DARS2: variants seen among roughly 807,000 people sequenced by gnomAD.
DARS2 encodes the protein aspartyl-tRNA synthetase 2, mitochondrial, also known as aspartate--tRNA ligase, mitochondrial.
A neutral mutation model predicts 83.0 loss-of-function variants in DARS2; 63 were observed. The ratio of observed to expected loss-of-function variants is 0.76; its 90% confidence interval spans 0.62 to 0.94. DARS2 has a LOEUF of 0.94. DARS2 is among the 40% of genes least tolerant of loss of function. The probability of loss-of-function intolerance (pLI) is 0.00; values close to 1 mark genes in which losing one functional copy is unlikely to be tolerated. For synonymous variants in DARS2, 250 were observed against 269.3 expected (o/e 0.93, Z 0.70); for missense variants, 675 against 774.4 (o/e 0.87, Z 1.52).
chr1:173,836,805 CT>C (rs1653021170), intron 7 of DARS2, 134 bp from the exon 8 acceptor site: 1 of 763,214 alleles, frequency 1.3e-6, no homozygotes, highest in African/African-American at 1.7e-5. Context: ...GAAATTGTCT[CT>C]GTCATTGTAG....
chr1:173,844,542 C>T (rs1653343370), intron 11 of DARS2, among the ~76,000 whole-genome samples: 1 of 151,414 alleles, frequency 6.6e-6, no homozygotes. Flanking sequence ...TGGTGGTGGG[C>T]ACCTGTAATC....
rs565053252 is a variant in DARS2, at chr1:173,839,372, CAT to C, written c.848_849del (p.Ile283ArgfsTer15). ...DRQPEFTQID[I>X]EMSFVDQTGI... ...ATATGGTACTTTGGTTTCAGATTGA[CAT>C]AGAGATGTCATTTGTAGACCAGACT... On this transcript the variant is annotated frameshift_variant, in exon 10 of 17. Coordinates refer to ENST00000649689, the MANE Select transcript of DARS2 (RefSeq NM_018122.5). LOFTEE classifies it high-confidence loss of function. The C allele has an allele frequency of 6.8e-6, 11 of 1,614,066 alleles. No individual in the cohort carries two copies. In the South Asian group the frequency reaches 9.9e-5, roughly 14 times the overall value.
intron 11 of DARS2, among the ~76,000 whole-genome samples, chr1:173,842,317 T>A (rs56355601): frequency 1.7e-5 from 2 of 116,628 alleles, no homozygotes; most frequent in Admixed American, 1.8e-4. Flanking sequence ...TTTTTTTTTT[T>A]AGAGTGAGTC....
intron 3 of DARS2, among the ~76,000 whole-genome samples, 160 bp downstream of exon 3, chr1:173,828,559 A>C (rs186964123): frequency 6.6e-6 from 1 of 152,366 alleles, no homozygotes; most frequent in East Asian, 1.9e-4. Flanking sequence ...CAAAAAGACC[A>C]GTGACCCAGT....
At chr1:173,834,620 C>G in intron 7 of DARS2, 101 bp downstream of exon 7, 1 of 840,184 alleles carries the variant, frequency 1.2e-6, no homozygotes, top group Non-Finnish European at 2.0e-6. Context: ...TATTTACTGC[C>G]TCAGGATGGT....
At position 173,858,194 on chromosome 1, in the gene DARS2, A is replaced by G. The variant is rs1482632875; in HGVS notation, c.*489A>G. On this transcript the variant is annotated 3_prime_UTR_variant, in exon 17 of 17. Coordinates refer to ENST00000649689, the MANE Select transcript of DARS2 (RefSeq NM_018122.5). ...CAACCATCAACATAATATAGTGAGG[A>G]GTAGCATAATATTTTTTAATAATGC... 2.4e-5 allele frequency: 4 copies of G among 166,750 alleles called. No homozygotes were observed. The highest frequency in any genetic ancestry group is 5.3e-5 in the Non-Finnish European group (4 of 76,098). 10.3% of individuals were successfully genotyped at this position (166,750 alleles called of 1,614,324 possible).
intron 11 of DARS2, among the ~76,000 whole-genome samples, chr1:173,843,545 G>A (rs1007471128): frequency 6.6e-6 from 1 of 152,178 alleles, no homozygotes; most frequent in Admixed American, 6.5e-5. Context: ...GGGCAACAGA[G>A]TGAGACTCCC....
In DARS2 at chr1:173,825,205, T is replaced by G; in HGVS notation, c.-25T>G. 6.2e-7 allele frequency: 1 copy of G among 1,607,788 alleles called. No individual in the cohort carries two copies. Among genetic ancestry groups the G allele is most frequent in the Non-Finnish European group, 8.5e-7 (1 of 1,175,816 alleles). On this transcript the variant is annotated 5_prime_UTR_variant, in exon 1 of 17. Coordinates refer to ENST00000649689, the MANE Select transcript of DARS2 (RefSeq NM_018122.5). Reference sequence around the variant, plus strand: ...CCGGCAGCGTGGGATTTCGTGATTGTTTTTCGCCATCGTGTGGCTCCAACA... The same window carrying G: ...CCGGCAGCGTGGGATTTCGTGATTGGTTTTCGCCATCGTGTGGCTCCAACA...
At chr1:173,843,293 G>A (rs902809860) in intron 11 of DARS2, among the ~76,000 whole-genome samples, 1 of 152,174 alleles carries the variant, frequency 6.6e-6, no homozygotes, top group South Asian at 2.1e-4. Flanking sequence ...AAGCGTGGTG[G>A]CTCATGCCTG....
chr1:173,843,607 C>T (rs1653314484), intron 11 of DARS2, among the ~76,000 whole-genome samples: 1 of 152,164 alleles, frequency 6.6e-6, no homozygotes, highest in African/African-American at 2.4e-5. Context: ...GGAAAACACT[C>T]AGTAGCTGAG....
chr1:173,825,391 T>TAC (rs1396862938), intron 1 of DARS2, 35 bp downstream of exon 1: 2 of 1,604,228 alleles, frequency 1.2e-6, no homozygotes, highest in Admixed American at 3.3e-5. Context: ...CTATGAACAG[T>TAC]ACTTCAGCCT....
At chr1:173,835,526 C>A (rs995346644) in intron 7 of DARS2, among the ~76,000 whole-genome samples, 1 of 150,580 alleles carries the variant, frequency 6.6e-6, no homozygotes, top group Non-Finnish European at 1.5e-5. Flanking sequence ...GCAACAAGAC[C>A]GTATCTCTTG....
chr1:173,828,348 G>A lies in DARS2; in HGVS notation c.243G>A (p.Leu81=). 1.2e-6 allele frequency: 2 copies of A among 1,604,890 alleles called. No individual in the cohort carries two copies. The highest frequency in any genetic ancestry group is 8.5e-7 in the Non-Finnish European group (1 of 1,177,210). Residue 81 remains leucine (L), a synonymous_variant, in exon 3 of 17, where the codon TTG becomes TTA. Coordinates refer to ENST00000649689, the MANE Select transcript of DARS2 (RefSeq NM_018122.5). ...WIQYRRQNTF[L]VLRDFDGLVQ... is the part of the protein sequence containing the mutation. The stretch of plus-strand genomic sequence containing the variant: ...CATTAATCAGGCAAAACACATTCTT[G>A]GTCCTAAGAGATTTCGATGGGCTTG...
chr1:173,853,722 C>T, intron 14 of DARS2, 73 bp from the exon 15 acceptor site: 3 of 1,518,420 alleles, frequency 2.0e-6, no homozygotes, highest in Non-Finnish European at 2.7e-6. Flanking sequence ...CTTTAAAAAT[C>T]TACAGGGTCT....
intron 15 of DARS2, among the ~76,000 whole-genome samples, chr1:173,855,460 T>A (rs1653824816): frequency 6.6e-6 from 1 of 151,742 alleles, no homozygotes; most frequent in Non-Finnish European, 1.5e-5. Flanking sequence ...TTGGGTTTTG[T>A]GTGTTTGTTT....
intron 9 of DARS2, among the ~76,000 whole-genome samples, chr1:173,838,973 G>C (rs1653109510): frequency 1.3e-5 from 2 of 152,134 alleles, no homozygotes; most frequent in South Asian, 4.1e-4. Flanking sequence ...CTGACCTCGT[G>C]ATCCACCCGC....
intron 11 of DARS2, among the ~76,000 whole-genome samples, chr1:173,843,016 A>G (rs1302364239): frequency 1.3e-5 from 2 of 151,850 alleles, no homozygotes; most frequent in Non-Finnish European, 2.9e-5. Flanking sequence ...TAAGCTCAGT[A>G]TGATATTTTG....
intron 11 of DARS2, among the ~76,000 whole-genome samples, chr1:173,842,419 C>T (rs1042720091): frequency 3.4e-5 from 5 of 146,732 alleles, no homozygotes; most frequent in African/African-American, 1.2e-4. Flanking sequence ...CTGCCTTAGC[C>T]TCCTGAGTAG....
chr1:173,840,057 C>G (rs754572692), intron 10 of DARS2, among the ~76,000 whole-genome samples: 15 of 152,134 alleles, frequency 9.9e-5, no homozygotes, highest in Non-Finnish European at 2.1e-4. Flanking sequence ...ATGCTAGTGA[C>G]ATTTCTATAT....
Sources: allele counts gnomAD v4.1 joint callset (sites outside exome capture counted in the v4.1 genomes callset), GRCh38; gene constraint gnomAD v4.1.1; transcripts MANE v1.5; gene names NCBI Gene and HGNC (gene_info 2026-07-23, HGNC 2026-07-21).